Variants in ZNF804B observed in about 807,000 individuals in gnomAD.
The protein encoded by ZNF804B is zinc finger 804B.
ZNF804B carries 80 observed loss-of-function variants against 101.4 expected under a neutral mutation model. That is an observed-to-expected ratio of 0.79 (90% confidence interval 0.66 to 0.95). The LOEUF (loss-of-function observed/expected upper bound fraction) is 0.95, where lower values mean the gene tolerates loss of function less well. Ranked by LOEUF, ZNF804B falls within the 40% of genes least tolerant of loss-of-function variation. The pLI, the probability that ZNF804B is intolerant of heterozygous loss-of-function variation, is 0.00. For missense variants in ZNF804B, 1,673 were observed against 1,561.9 expected (o/e 1.07, Z -1.20); for synonymous variants, 622 against 558.8 (o/e 1.11, Z -1.59).
At chr7:88,828,867 AT>A in intron 1 of ZNF804B, among the ~76,000 whole-genome samples, 1 of 152,216 alleles carries the variant, frequency 6.6e-6, no homozygotes, top group Non-Finnish European at 1.5e-5. Context: ...CAAAGGTAGA[AT>A]TTAGAGAAAA....
intron 2 of ZNF804B, among the ~76,000 whole-genome samples, chr7:89,275,306 G>A (rs1789964441): frequency 6.6e-6 from 1 of 151,890 alleles, no homozygotes; most frequent in Admixed American, 6.6e-5. Flanking sequence ...CAGAAATACT[G>A]TAATAGCTTT....
chr7:89,271,064 C>T (rs1340109495), intron 2 of ZNF804B, among the ~76,000 whole-genome samples: 3 of 152,154 alleles, frequency 2.0e-5, no homozygotes, highest in Non-Finnish European at 4.4e-5. Context: ...TTATTTCTTT[C>T]TCCTGCCTGA....
chr7:89,321,251 C>T lies in ZNF804B; in HGVS notation c.250-6093C>T, dbSNP rs142435515. Among the ~76,000 whole-genome samples the T allele has an allele frequency of 2.5e-3, 385 of 152,102 alleles. 2 individuals are homozygous for T. Among genetic ancestry groups the T allele is most frequent in the African/African-American group, 8.4e-3 (350 of 41,502 alleles). On this transcript the variant is annotated intron_variant, in intron 2 of 3. Coordinates refer to ENST00000333190, the MANE Select transcript of ZNF804B (RefSeq NM_181646.5). ...ATCCCAGCACTTTGGGAGGCTGAGG[C>T]GGGCGGATCACGAGGTCAGGAGATC...
At chr7:88,998,914 A>G (rs1183758641) in intron 1 of ZNF804B, among the ~76,000 whole-genome samples, 1 of 152,072 alleles carries the variant, frequency 6.6e-6, no homozygotes, top group African/African-American at 2.4e-5. Flanking sequence ...GGCTTTTACA[A>G]TAAGATTACT....
intron 1 of ZNF804B, among the ~76,000 whole-genome samples, chr7:88,936,393 T>TA (rs1792970737): frequency 6.6e-6 from 1 of 152,030 alleles, no homozygotes; most frequent in Non-Finnish European, 1.5e-5. Context: ...GCAAAAGGCA[T>TA]AGCAATTTAT....
chr7:88,856,323 TC>T (rs1231191411), intron 1 of ZNF804B, among the ~76,000 whole-genome samples: 1 of 152,168 alleles, frequency 6.6e-6, no homozygotes, highest in African/African-American at 2.4e-5. Context: ...GTCCTTCACA[TC>T]CCTTGTAAGT....
At chr7:89,305,749 C>T (rs1790552408) in intron 2 of ZNF804B, among the ~76,000 whole-genome samples, 1 of 151,254 alleles carries the variant, frequency 6.6e-6, no homozygotes, top group African/African-American at 2.4e-5. Context: ...CTTTTTTTTC[C>T]CTATACTTCT....
intron 2 of ZNF804B, among the ~76,000 whole-genome samples, chr7:89,226,142 C>T (rs1401497266): frequency 1.3e-5 from 2 of 151,998 alleles, no homozygotes; most frequent in African/African-American, 4.8e-5. Context: ...CCGGTGTTGA[C>T]AAGGTGTGAG....
intron 1 of ZNF804B, among the ~76,000 whole-genome samples, chr7:88,920,085 C>G (rs1303503996): frequency 2.6e-5 from 4 of 151,934 alleles, no homozygotes; most frequent in African/African-American, 9.7e-5. Flanking sequence ...ATACAACCAC[C>G]CCATGTCCTG....
intron 1 of ZNF804B, among the ~76,000 whole-genome samples, chr7:89,186,475 G>GA (rs1462107257): frequency 6.6e-6 from 1 of 151,916 alleles, no homozygotes; most frequent in Non-Finnish European, 1.5e-5. Context: ...CATATTAGCA[G>GA]AAAAAAAGGT....
intron 1 of ZNF804B, among the ~76,000 whole-genome samples, chr7:88,892,540 A>G (rs1489878502): frequency 4.6e-5 from 7 of 152,092 alleles, no homozygotes; most frequent in Non-Finnish European, 1.0e-4. Context: ...CTTCTTCTGT[A>G]AGTTCTATAG....
At chr7:88,931,854 A>G (rs1393611237) in intron 1 of ZNF804B, among the ~76,000 whole-genome samples, 1 of 151,882 alleles carries the variant, frequency 6.6e-6, no homozygotes, top group Non-Finnish European at 1.5e-5. Flanking sequence ...TTCACACTTG[A>G]TCAATTGAAA....
chr7:89,098,508 G>A (rs1032999998), intron 1 of ZNF804B, among the ~76,000 whole-genome samples: 2 of 151,962 alleles, frequency 1.3e-5, no homozygotes, highest in East Asian at 3.9e-4. Context: ...TCCTGACCTC[G>A]TGATCCTCCC....
chr7:88,914,096 T>G (rs2115981603), intron 1 of ZNF804B, among the ~76,000 whole-genome samples: 1 of 152,312 alleles, frequency 6.6e-6, no homozygotes, highest in African/African-American at 2.4e-5. Context: ...TAGGTGGGTT[T>G]GTGGACATAT....
intron 2 of ZNF804B, among the ~76,000 whole-genome samples, chr7:89,262,470 C>A (rs1319596265): frequency 2.0e-5 from 3 of 152,152 alleles, no homozygotes. Flanking sequence ...CAAAGGCTTG[C>A]TGCGATGAGT....
At chr7:88,982,667 C>T (rs1000339056) in intron 1 of ZNF804B, among the ~76,000 whole-genome samples, 1 of 152,072 alleles carries the variant, frequency 6.6e-6, no homozygotes, top group African/African-American at 2.4e-5. Context: ...TTACACCCCT[C>T]TAAAGGCTCT....
At chr7:88,882,611 A>G (rs1211336836) in intron 1 of ZNF804B, among the ~76,000 whole-genome samples, 6 of 152,140 alleles carry the variant, frequency 3.9e-5, no homozygotes, top group African/African-American at 1.4e-4. Flanking sequence ...AACAAAGACA[A>G]GAAATCAACC....
At chr7:89,152,023 G>A (rs1042815026) in intron 1 of ZNF804B, among the ~76,000 whole-genome samples, 1 of 151,882 alleles carries the variant, frequency 6.6e-6, no homozygotes, top group African/African-American at 2.4e-5. Context: ...TCTCTATTTT[G>A]TATGTGTTAA....
chr7:89,274,943 C>A (rs1224565154), intron 2 of ZNF804B, among the ~76,000 whole-genome samples: 1 of 151,804 alleles, frequency 6.6e-6, no homozygotes, highest in Non-Finnish European at 1.5e-5. Context: ...CTTATTTATC[C>A]TTAGTAATCT....
Sources: gnomAD v4.1 joint callset for allele counts (sites outside exome capture counted in the v4.1 genomes callset) on GRCh38, gnomAD v4.1.1 for gene constraint, MANE v1.5 for transcripts, NCBI Gene and HGNC (gene_info 2026-07-23, HGNC 2026-07-21) for gene names.